NRAS: variants seen among roughly 807,000 people sequenced by gnomAD.
NRAS encodes NRAS proto-oncogene, GTPase, also known as GTPase NRas.
A neutral mutation model predicts 21.3 loss-of-function variants in NRAS; 6 were observed. That is an observed-to-expected ratio of 0.28 (90% CI 0.15 to 0.56). The LOEUF is 0.56. Among genes scored for constraint, NRAS ranks in the 20% least tolerant of loss-of-function variants. The pLI, the probability that NRAS is intolerant of heterozygous loss-of-function variation, is 0.93. For synonymous variants in NRAS, 84 were observed against 82.0 expected, an observed-to-expected ratio of 1.02 and a Z score of -0.13; for missense variants, 143 against 231.3, an observed-to-expected ratio of 0.62 and a Z score of 2.48.
At chr1:114,716,008 T>G (rs765143880) in intron 2 of NRAS, 42 bp downstream of exon 2, 1 of 1,166,896 alleles carries the variant, frequency 8.6e-7, no homozygotes, top group Non-Finnish European at 1.3e-6. Flanking sequence ...ATCCGACAAG[T>G]GAGAGACAGG....
At chr1:114,712,349 AT>A (rs951913334) in intron 3 of NRAS, among the ~76,000 whole-genome samples, 1 of 152,070 alleles carries the variant, frequency 6.6e-6, no homozygotes, top group African/African-American at 2.4e-5. Context: ...TTTTACCCTT[AT>A]TTTTTTGGTC....
intron 3 of NRAS, among the ~76,000 whole-genome samples, chr1:114,710,286 TA>T (rs1659017029): frequency 1.3e-5 from 1 of 76,300 alleles, no homozygotes; most frequent in Admixed American, 2.4e-4. Context: ...TAATTTATAA[TA>T]TATAAATATA....
intron 3 of NRAS, among the ~76,000 whole-genome samples, chr1:114,710,586 C>T (rs971658682): frequency 2.0e-5 from 3 of 151,440 alleles, no homozygotes; most frequent in South Asian, 2.1e-4. Context: ...AAAGAGAGAG[C>T]GAGAGAGAGA....
intron 4 of NRAS, 27 bp from the exon 5 acceptor site, chr1:114,708,681 T>C (rs1455482983): frequency 1.9e-6 from 3 of 1,610,764 alleles, no homozygotes; most frequent in Non-Finnish European, 2.5e-6. Flanking sequence ...TGAAAAAAAA[T>C]GAGAGAGCTA....
chr1:114,716,540 G>A (rs1278169701), intron 1 of NRAS, 118 bp downstream of exon 1: 5 of 353,154 alleles, frequency 1.4e-5, no homozygotes, highest in Non-Finnish European at 2.2e-5. Context: ...CCAAATGGAA[G>A]GACCCCCGCC....
intron 3 of NRAS, 82 bp from the exon 4 acceptor site, chr1:114,709,810 C>G (rs2101739184): frequency 1.7e-6 from 2 of 1,159,418 alleles, no homozygotes; most frequent in Non-Finnish European, 2.6e-6. Flanking sequence ...AATCTCAGCA[C>G]TTTGGGAGGC....
At chr1:114,715,374 T>C (rs894410764) in intron 2 of NRAS, among the ~76,000 whole-genome samples, 8 of 152,212 alleles carry the variant, frequency 5.3e-5, no homozygotes, top group African/African-American at 1.9e-4. Context: ...AGACAATCTG[T>C]ACCATGAACT....
rs72994443 is a variant in NRAS at position 114,708,771 on chromosome 1, C to T, written c.451-117G>A. 1,535 of 858,748 alleles carry T rather than the reference C, an allele frequency of 1.8e-3. 26 individuals are homozygous for T. In the East Asian group the frequency reaches 0.031, roughly 17 times the overall value. The allele number at this position is 858,748 out of a possible 1,614,324, so 53.2% of individuals were successfully genotyped here. On this transcript the variant is annotated intron_variant, in intron 4 of 6. Coordinates refer to ENST00000369535, the MANE Select transcript of NRAS (RefSeq NM_002524.5). ...TGGACATAAGATTCCAATTACTAAACGAATAGCTGATAAAATAAAATATGG... is the reference window on the plus strand; with the variant it reads ...TGGACATAAGATTCCAATTACTAAATGAATAGCTGATAAAATAAAATATGG...
At chr1:114,711,401 C>G (rs150158223) in intron 3 of NRAS, among the ~76,000 whole-genome samples, 2 of 151,982 alleles carry the variant, frequency 1.3e-5, no homozygotes, top group South Asian at 4.2e-4. Flanking sequence ...AGTTTGAAAC[C>G]AGCCCGGCCA....
intron 3 of NRAS, among the ~76,000 whole-genome samples, chr1:114,710,904 T>C (rs542168706): frequency 8.5e-5 from 13 of 152,332 alleles, no homozygotes; most frequent in African/African-American, 3.1e-4. Flanking sequence ...GTCTAAAGTA[T>C]AAAAAGTGAA....
intron 2 of NRAS, among the ~76,000 whole-genome samples, chr1:114,715,786 T>C (rs571887939): frequency 3.9e-5 from 6 of 152,240 alleles, no homozygotes; most frequent in Non-Finnish European, 8.8e-5. Context: ...AGCTGTTATA[T>C]ATGAAGAAAC....
Position 114,704,995 on chromosome 1 carries a change from T to C in NRAS, c.*3099A>G, listed in dbSNP as rs1223120724. ...TTTCCCTAATTTTCCTTGCTTCTTATAATTTATTAGCAGAGATGAATTACA... is the reference window on the plus strand; with the variant it reads ...TTTCCCTAATTTTCCTTGCTTCTTACAATTTATTAGCAGAGATGAATTACA... On this transcript the variant is annotated 3_prime_UTR_variant, in exon 7 of 7. Transcript: ENST00000369535. The C allele has an allele frequency of 6.6e-6, 1 of 152,238 alleles. No homozygotes were observed. The highest frequency in any genetic ancestry group is 2.4e-5 in the African/African-American group (1 of 41,462). 9.4% of individuals were successfully genotyped at this position (152,238 alleles called of 1,614,324 possible). A position where few individuals can be genotyped will look rare whatever the true frequency, so the allele number is the denominator to read the frequency against.
At chr1:114,715,155 T>C (rs1236711114) in intron 2 of NRAS, among the ~76,000 whole-genome samples, 1 of 152,142 alleles carries the variant, frequency 6.6e-6, no homozygotes, top group African/African-American at 2.4e-5. Flanking sequence ...GCCTCCTGAG[T>C]AGCTGGGATT....
chr1:114,711,978 G>A (rs1374889155), intron 3 of NRAS, among the ~76,000 whole-genome samples: 2 of 152,158 alleles, frequency 1.3e-5, no homozygotes, highest in African/African-American at 4.8e-5. Flanking sequence ...GCACAGTACT[G>A]TTTTAGTCTC....
intron 4 of NRAS, among the ~76,000 whole-genome samples, chr1:114,709,060 C>A (rs916057939): frequency 1.3e-5 from 2 of 152,154 alleles, no homozygotes; most frequent in Non-Finnish European, 2.9e-5. Context: ...GATGTTAATG[C>A]AGGAGTAAAC....
chr1:114,713,890 A>G lies in NRAS; in HGVS notation c.200T>C (p.Met67Thr). 6.2e-7 allele frequency: 1 copy of G among 1,612,728 alleles called. No individual in the cohort carries two copies. Among genetic ancestry groups the G allele is most frequent in the South Asian group, 1.1e-5 (1 of 91,038 alleles). ...GCCTGTCCTCATGTATTGGTCTCTC[A>G]TGGCACTGTACTCTTCTTGTCCAGC... ...DTAGQEEYSA[M>T]RDQYMRTGEG... Residue 67 changes from methionine (M) to threonine (T), a missense_variant, in exon 3 of 7, where the codon ATG becomes ACG. Transcript: ENST00000369535.
At chr1:114,709,328 G>A (rs1658988263) in intron 4 of NRAS, among the ~76,000 whole-genome samples, 1 of 152,042 alleles carries the variant, frequency 6.6e-6, no homozygotes, top group African/African-American at 2.4e-5. Context: ...CCAGCTACTT[G>A]GGAGGCTGAG....
At position 114,706,999 on chromosome 1, in the gene NRAS, C is replaced by T. The variant is rs1161889097; in HGVS notation, c.*1095G>A. The stretch of plus-strand genomic sequence containing the variant: ...TATACTATATTTGAGGTTTGAAAAT[C>T]ACTGATCACAGCTATTAAATAACAA... On this transcript the variant is annotated 3_prime_UTR_variant, in exon 7 of 7. Transcript: ENST00000369535. 6.6e-6 allele frequency: 1 copy of T among 152,580 alleles called. No individual in the cohort carries two copies. The highest frequency in any genetic ancestry group is 1.9e-4 in the East Asian group (1 of 5,202). 9.5% of individuals were successfully genotyped at this position (152,580 alleles called of 1,614,324 possible).
rs775070295 is a variant in NRAS at position 114,707,030 on chromosome 1, CAA to C, written c.*1062_*1063del. On this transcript the variant is annotated 3_prime_UTR_variant, in exon 7 of 7. Coordinates refer to ENST00000369535, the MANE Select transcript of NRAS (RefSeq NM_002524.5). ...TCACAGCTATTAAATAACAATGCAC[CAA>C]AGTTTTACAATATTTGAACATCTGC... 5 of 152,470 alleles carry C rather than the reference CAA, an allele frequency of 3.3e-5. No individual in the cohort carries two copies. Among genetic ancestry groups the C allele is most frequent in the Non-Finnish European group, 5.9e-5 (4 of 67,992 alleles). 9.4% of individuals were successfully genotyped at this position (152,470 alleles called of 1,614,324 possible). A position where few individuals can be genotyped will look rare whatever the true frequency, so the allele number is the denominator to read the frequency against.
Sources: gnomAD v4.1 joint callset for allele counts (sites outside exome capture counted in the v4.1 genomes callset) on GRCh38, gnomAD v4.1.1 for gene constraint, MANE v1.5 for transcripts, NCBI Gene and HGNC (gene_info 2026-07-23, HGNC 2026-07-21) for gene names.